The following ERBB4 variants were observed in gnomAD, a reference collection of about 807,000 sequenced individuals.
ERBB4 encodes the protein erb-b2 receptor tyrosine kinase 4, also known as receptor tyrosine-protein kinase erbB-4.
Under a neutral mutation model 158.0 loss-of-function variants are expected in ERBB4, and 42 were observed. That is an observed-to-expected ratio of 0.27 (90% confidence interval 0.21 to 0.34). ERBB4 has a LOEUF of 0.34. ERBB4 is among the 10% of genes least tolerant of loss of function. The pLI, the probability that ERBB4 is intolerant of heterozygous loss-of-function variation, is 1.00. For synonymous variants in ERBB4, 583 were observed against 558.7 expected (o/e 1.04, Z -0.61); for missense variants, 1,333 against 1,624.1 (o/e 0.82, Z 3.08).
chr2:212,280,818 A>C (rs993868063), intron 1 of ERBB4, among the ~76,000 whole-genome samples: 2 of 151,652 alleles, frequency 1.3e-5, no homozygotes, highest in African/African-American at 4.8e-5. Flanking sequence ...AAACTGTTAA[A>C]ACCAGGAGGA....
intron 16 of ERBB4, among the ~76,000 whole-genome samples, chr2:211,635,525 G>A (rs2070325116): frequency 1.3e-5 from 2 of 152,084 alleles, no homozygotes; most frequent in Admixed American, 1.3e-4. Context: ...TAAAATGTGA[G>A]AGGACACATG....
At chr2:211,654,942 T>G (rs2071154926) in intron 16 of ERBB4, among the ~76,000 whole-genome samples, 1 of 152,070 alleles carries the variant, frequency 6.6e-6, no homozygotes, top group Admixed American at 6.6e-5. Context: ...AATCTCAGAG[T>G]GAATATGTCC....
chr2:212,128,942 C>G (rs191672963), intron 1 of ERBB4, among the ~76,000 whole-genome samples: 1 of 152,010 alleles, frequency 6.6e-6, no homozygotes, highest in African/African-American at 2.4e-5. Flanking sequence ...AACCTTAATC[C>G]ATGATCTTTA....
chr2:211,788,653 A>G (rs1486870068), intron 3 of ERBB4, among the ~76,000 whole-genome samples: 1 of 152,122 alleles, frequency 6.6e-6, no homozygotes, highest in Non-Finnish European at 1.5e-5. Flanking sequence ...CTTTACAACA[A>G]ATTTCCACAC....
At chr2:211,606,582 G>T (rs1187508165) in intron 19 of ERBB4, among the ~76,000 whole-genome samples, 1 of 151,866 alleles carries the variant, frequency 6.6e-6, no homozygotes, top group Non-Finnish European at 1.5e-5. Context: ...TGTTGTTATG[G>T]TCACTATATG....
intron 1 of ERBB4, among the ~76,000 whole-genome samples, chr2:212,183,137 T>C (rs572219944): frequency 6.6e-6 from 1 of 151,900 alleles, no homozygotes; most frequent in Non-Finnish European, 1.5e-5. Context: ...TTAAAATAAA[T>C]GTATGTATAT....
chr2:211,600,375 T>G (rs920496929), intron 19 of ERBB4, among the ~76,000 whole-genome samples: 3 of 151,608 alleles, frequency 2.0e-5, no homozygotes, highest in Non-Finnish European at 4.4e-5. Flanking sequence ...ACAACAGATC[T>G]CAGAAAAATG....
At chr2:212,001,981 T>TAATA (rs1387995187) in intron 2 of ERBB4, among the ~76,000 whole-genome samples, 1 of 152,200 alleles carries the variant, frequency 6.6e-6, no homozygotes, top group Non-Finnish European at 1.5e-5. Flanking sequence ...TTTCCACTTA[T>TAATA]AATTTTGGCG....
intron 15 of ERBB4, 115 bp from the exon 16 acceptor site, chr2:211,657,943 C>T: frequency 6.2e-7 from 1 of 1,608,726 alleles, no homozygotes; most frequent in East Asian, 2.2e-5. Flanking sequence ...GCAAGCACAC[C>T]AAGTACCTAT....
intron 1 of ERBB4, among the ~76,000 whole-genome samples, chr2:212,397,609 C>T (rs574633937): frequency 2.6e-5 from 4 of 152,072 alleles, no homozygotes; most frequent in Non-Finnish European, 5.9e-5. Flanking sequence ...TTACACTCCT[C>T]TCTTTCCTAT....
chr2:212,069,545 G>A (rs1166413277), intron 2 of ERBB4, among the ~76,000 whole-genome samples: 1 of 151,900 alleles, frequency 6.6e-6, no homozygotes, highest in Non-Finnish European at 1.5e-5. Context: ...ATTAAATATT[G>A]TACTGGAGGT....
intron 19 of ERBB4, among the ~76,000 whole-genome samples, chr2:211,606,831 T>C (rs904772220): frequency 6.6e-6 from 1 of 152,146 alleles, no homozygotes; most frequent in African/African-American, 2.4e-5. Context: ...CATTTTGAAA[T>C]AAATTTATTT....
chr2:212,510,310 G>T (rs1217127221), intron 1 of ERBB4, among the ~76,000 whole-genome samples: 1 of 150,202 alleles, frequency 6.7e-6, no homozygotes, highest in African/African-American at 2.4e-5. Context: ...TAAAACAAGT[G>T]TACAGAAGGC....
chr2:211,378,523 G>A lies in ERBB4; in HGVS notation c.*5092C>T, dbSNP rs2062518448. ...AAGATATTTGCCCACACAAACACAAGGGCCCCTGGCCCGACACAATGCCCA... is the reference window on the plus strand; with the variant it reads ...AAGATATTTGCCCACACAAACACAAAGGCCCCTGGCCCGACACAATGCCCA... On this transcript the variant is annotated 3_prime_UTR_variant, in exon 28 of 28. Coordinates refer to ENST00000342788, the MANE Select transcript of ERBB4 (RefSeq NM_005235.3). 1 of 232,692 alleles carries A rather than the reference G, an allele frequency of 4.3e-6. No homozygotes were observed. Among genetic ancestry groups the A allele is most frequent in the Admixed American group, 5.6e-5 (1 of 17,746 alleles). The allele number at this position is 232,692 out of a possible 1,614,324, so 14.4% of individuals were successfully genotyped here. A position where few individuals can be genotyped will look rare whatever the true frequency, so the allele number is the denominator to read the frequency against.
Position 211,614,574 on chromosome 2 carries a change from A to C in ERBB4, c.2301+4603T>G, listed in dbSNP as rs1047416886. ...TCTGTACCCACAAAAATTAAGAATA[A>C]AAAATCCACTATTAGTATGGAACAG... On this transcript the variant is annotated intron_variant, in intron 19 of 27. Transcript: ENST00000342788. 2.6e-5 allele frequency among the ~76,000 whole-genome samples: 4 copies of C among 152,100 alleles called. No homozygotes were observed. The East Asian group carries it at 7.7e-4, about 29-fold the overall frequency.
At position 211,382,510 on chromosome 2, in the gene ERBB4, C is replaced by T; in HGVS notation, c.*1105G>A. ...TCCAAAATGGAGTTCAGAAAAAGAA[C>T]AAATAAAATTACAGCTTAAGTGCAA... On this transcript the variant is annotated 3_prime_UTR_variant, in exon 28 of 28. Coordinates refer to ENST00000342788, the MANE Select transcript of ERBB4 (RefSeq NM_005235.3). The T allele has an allele frequency of 4.3e-6, 1 of 232,554 alleles. No homozygotes were observed. Among genetic ancestry groups the T allele is most frequent in the East Asian group, 6.1e-5 (1 of 16,422 alleles). The allele number at this position is 232,554 out of a possible 1,614,324, so 14.4% of individuals were successfully genotyped here.
intron 4 of ERBB4, among the ~76,000 whole-genome samples, chr2:211,762,986 T>C (rs1251674351): frequency 6.6e-6 from 1 of 152,138 alleles, no homozygotes; most frequent in Non-Finnish European, 1.5e-5. Flanking sequence ...TATCAAATAA[T>C]TATTTGCCTG....
At chr2:212,074,202 A>C (rs1273295164) in intron 2 of ERBB4, among the ~76,000 whole-genome samples, 1 of 152,022 alleles carries the variant, frequency 6.6e-6, no homozygotes, top group East Asian at 1.9e-4. Context: ...ATGCAAAAAG[A>C]TGGAAGTTGC....
At chr2:211,724,325 C>T (rs534944200) in intron 6 of ERBB4, among the ~76,000 whole-genome samples, 1 of 149,798 alleles carries the variant, frequency 6.7e-6, no homozygotes, top group East Asian at 1.9e-4. Flanking sequence ...ATGGTTTGCT[C>T]ATTGCTGGAA....
Sources: allele counts gnomAD v4.1 joint callset (sites outside exome capture counted in the v4.1 genomes callset), GRCh38; gene constraint gnomAD v4.1.1; transcripts MANE v1.5; gene names NCBI Gene and HGNC (gene_info 2026-07-23, HGNC 2026-07-21).